The following EARS2 variants were observed in gnomAD, a reference collection of about 807,000 sequenced individuals.
EARS2 encodes nondiscriminating glutamyl-tRNA synthetase EARS2, mitochondrial.
EARS2 carries 50 observed loss-of-function variants against 54.1 expected under a neutral mutation model. That is an observed-to-expected ratio of 0.92 (90% confidence interval 0.74 to 1.17). EARS2 has a LOEUF of 1.17. Ranked by LOEUF, EARS2 falls within the 50% of genes most tolerant of loss-of-function variation. The pLI, the probability that EARS2 is intolerant of heterozygous loss-of-function variation, is 0.00. For synonymous variants in EARS2, 298 were observed against 281.0 expected (o/e 1.06, Z -0.61); for missense variants, 673 against 675.0 (o/e 1.00, Z 0.03).
intron 3 of EARS2, among the ~76,000 whole-genome samples, chr16:23,542,257 A>T (rs1965525569): frequency 6.7e-6 from 1 of 149,332 alleles, no homozygotes; most frequent in South Asian, 2.1e-4. Flanking sequence ...GCCCTCCCAA[A>T]GTGCTGGAAT....
In EARS2 at chr16:23,552,323, C is replaced by T; in HGVS notation, c.140-19G>A. ...AAGAAGCCTGGAGAAGAGAACAGCT[C>T]AGATAAGACAGGGAAGATAAGCTAA... On this transcript the variant is annotated intron_variant, in intron 1 of 8. Coordinates refer to ENST00000449606, the MANE Select transcript of EARS2 (RefSeq NM_001083614.2). 1 of 1,612,258 alleles carries T rather than the reference C, an allele frequency of 6.2e-7. No homozygotes were observed. Among genetic ancestry groups the T allele is most frequent in the Non-Finnish European group, 8.5e-7 (1 of 1,178,502 alleles).
chr16:23,552,393 T>G, intron 1 of EARS2, 89 bp from the exon 2 acceptor site: 2 of 1,421,248 alleles, frequency 1.4e-6, no homozygotes, highest in Non-Finnish European at 1.9e-6. Context: ...GACAGAATGT[T>G]GCAATAAATT....
chr16:23,556,508 C>T (rs1332142741), intron 1 of EARS2, among the ~76,000 whole-genome samples: 2 of 152,238 alleles, frequency 1.3e-5, no homozygotes, highest in Non-Finnish European at 2.9e-5. Flanking sequence ...GCATGCGCCA[C>T]CATGCCCAGA....
chr16:23,549,666 G>A (rs1035862965), intron 2 of EARS2, among the ~76,000 whole-genome samples: 4 of 152,154 alleles, frequency 2.6e-5, no homozygotes, highest in African/African-American at 4.8e-5. Flanking sequence ...ATGTGGCCCA[G>A]GTTGGTCTTG....
intron 3 of EARS2, among the ~76,000 whole-genome samples, chr16:23,542,316 C>CCT (rs1555503914): frequency 1.1e-5 from 1 of 93,698 alleles, no homozygotes; most frequent in Admixed American, 1.6e-4. Flanking sequence ...TTTCATTTTT[C>CCT]TTTTTTTTTT....
intron 3 of EARS2, among the ~76,000 whole-genome samples, chr16:23,539,929 C>T (rs1965485043): frequency 6.6e-6 from 1 of 152,046 alleles, no homozygotes; most frequent in Admixed American, 6.6e-5. Context: ...GTGGGTGGAT[C>T]TCCTATGCTC....
chr16:23,540,739 T>C (rs949987329), intron 3 of EARS2, among the ~76,000 whole-genome samples: 3 of 151,668 alleles, frequency 2.0e-5, no homozygotes, highest in Non-Finnish European at 4.4e-5. Context: ...TCCTAGCACT[T>C]TGGGAGGCCG....
At chr16:23,528,004 C>G (rs1029304456) in intron 7 of EARS2, among the ~76,000 whole-genome samples, 8 of 152,134 alleles carry the variant, frequency 5.3e-5, no homozygotes, top group African/African-American at 1.9e-4. Flanking sequence ...CCCTTATGCA[C>G]AGATGAGTGC....
chr16:23,544,691 T>C lies in EARS2; in HGVS notation c.308A>G (p.Asp103Gly). Residue 103 changes from aspartate to glycine, a missense_variant, in exon 3 of 9, where the codon GAT (aspartate) becomes GGT (glycine). Physicochemically the swap from Asp to Gly is moderately conservative, Grantham distance 94 (BLOSUM62 -1). This residue lies in a region of EARS2 where 316 missense variants were observed against 275.2 expected (regional missense o/e 1.15). Coordinates refer to ENST00000449606, the MANE Select transcript of EARS2 (RefSeq NM_001083614.2). Reference sequence around the variant, plus strand: ...AGGACCGCCCCGGCGGGGGCTCTCATCAGGCGGGATGCCTGGAACACAGGG... The same window carrying C: ...AGGACCGCCCCGGCGGGGGCTCTCACCAGGCGGGATGCCTGGAACACAGGG... The part of the protein sequence containing the change: ...DMLEWAGIPP[D>G]ESPRRGGPAG... 1.2e-6 allele frequency: 2 copies of C among 1,602,618 alleles called. No homozygotes were observed. The highest frequency in any genetic ancestry group is 1.7e-6 in the Non-Finnish European group (2 of 1,175,818).
chr16:23,541,699 CT>C (rs375731589), intron 3 of EARS2, among the ~76,000 whole-genome samples: 31 of 42,130 alleles, frequency 7.4e-4, no homozygotes, highest in Non-Finnish European at 1.9e-3. Flanking sequence ...TGTGGATCTT[CT>C]TTTTTTTTTT....
Position 23,522,473 on chromosome 16 carries a change from T to G in EARS2, c.*1898A>C, listed in dbSNP as rs1965154905. On this transcript the variant is annotated 3_prime_UTR_variant, in exon 9 of 9. Transcript: ENST00000449606. ...TCCTGTCTTTTCCAAAACCTGTTTT[T>G]TTTTTGGCTTTTTGGTAGATGCTGT... 2 of 152,340 alleles carry G rather than the reference T, an allele frequency of 1.3e-5. No homozygotes were observed. The highest frequency in any genetic ancestry group is 2.9e-5 in the Non-Finnish European group (2 of 68,158). The allele number at this position is 152,340 out of a possible 1,614,324, so 9.4% of individuals were successfully genotyped here.
At chr16:23,536,173 G>A (rs989618176) in intron 3 of EARS2, among the ~76,000 whole-genome samples, 7 of 152,178 alleles carry the variant, frequency 4.6e-5, no homozygotes, top group Non-Finnish European at 1.0e-4. Context: ...GTCCCCAGGT[G>A]ATCCATCTGT....
chr16:23,535,425 C>T (rs1965402168), intron 3 of EARS2, 65 bp from the exon 4 acceptor site: 1 of 1,460,078 alleles, frequency 6.8e-7, no homozygotes. Flanking sequence ...AGTCCTACCT[C>T]TGTCATAGCT....
chr16:23,556,356 C>T (rs1051431299), intron 1 of EARS2, among the ~76,000 whole-genome samples: 7 of 152,110 alleles, frequency 4.6e-5, no homozygotes, highest in Non-Finnish European at 1.0e-4. Context: ...CAGAAGGTTC[C>T]TTCTTTTTTG....
chr16:23,555,147 C>A (rs1965755378), intron 1 of EARS2, among the ~76,000 whole-genome samples: 1 of 152,130 alleles, frequency 6.6e-6, no homozygotes, highest in Non-Finnish European at 1.5e-5. Context: ...ATTATTAGCC[C>A]CGTTTTGACA....
intron 3 of EARS2, among the ~76,000 whole-genome samples, chr16:23,543,061 G>C (rs183522465): frequency 6.9e-6 from 1 of 144,718 alleles, no homozygotes; most frequent in East Asian, 2.0e-4. Context: ...ACTGCAGTAA[G>C]CTGAGATTGC....
intron 2 of EARS2, among the ~76,000 whole-genome samples, chr16:23,551,094 T>C (rs1361593736): frequency 6.6e-6 from 1 of 152,216 alleles, no homozygotes; most frequent in Non-Finnish European, 1.5e-5. Context: ...TAAGTATTCA[T>C]CCAGAAAAAC....
At chr16:23,553,813 T>C (rs2142197734) in intron 1 of EARS2, among the ~76,000 whole-genome samples, 1 of 151,854 alleles carries the variant, frequency 6.6e-6, no homozygotes, top group Middle Eastern at 3.4e-3. Context: ...GGAGAACTGC[T>C]TGAACCCAGG....
chr16:23,543,870 C>T (rs1453712957), intron 3 of EARS2, among the ~76,000 whole-genome samples: 4 of 152,038 alleles, frequency 2.6e-5, no homozygotes, highest in East Asian at 3.8e-4. Flanking sequence ...GTTTCGTGCA[C>T]AAAATTATTT....
Sources: allele counts gnomAD v4.1 joint callset (sites outside exome capture counted in the v4.1 genomes callset), GRCh38; gene constraint gnomAD v4.1.1; regional missense constraint gnomAD v4.1.1; transcripts MANE v1.5; gene names NCBI Gene and HGNC (gene_info 2026-07-23, HGNC 2026-07-21).